Variants in STAG1 observed in about 807,000 individuals in gnomAD.
STAG1 encodes the protein STAG1 cohesin complex component.
In STAG1, 26 loss-of-function variants were observed where a neutral mutation model predicts 170.9. The ratio of observed to expected loss-of-function variants is 0.15; its 90% confidence interval spans 0.11 to 0.21. The LOEUF (loss-of-function observed/expected upper bound fraction) is 0.21. Among genes scored for constraint, STAG1 ranks in the 10% least tolerant of loss-of-function variants. The pLI, the probability that STAG1 is intolerant of heterozygous loss-of-function variation, is 1.00. For missense variants in STAG1, 964 were observed against 1,509.5 expected (o/e 0.64, Z 5.99); for synonymous variants, 514 against 497.7 (o/e 1.03, Z -0.44).
chr3:136,463,313 C>G (rs770042898), intron 13 of STAG1, among the ~76,000 whole-genome samples: 1 of 152,068 alleles, frequency 6.6e-6, no homozygotes, highest in Non-Finnish European at 1.5e-5. Context: ...GAGTAGAGAA[C>G]AATTTGTTAT....
intron 4 of STAG1, among the ~76,000 whole-genome samples, chr3:136,595,060 T>C (rs576735679): frequency 6.6e-6 from 1 of 152,342 alleles, no homozygotes; most frequent in South Asian, 2.1e-4. Flanking sequence ...TGAGCCATCA[T>C]GTCCAGCCCT....
rs188608703 is a variant in STAG1 at position 136,411,041 on chromosome 3, C to T, written c.2196+6844G>A. 1.6e-4 allele frequency among the ~76,000 whole-genome samples: 25 copies of T among 152,210 alleles called. No homozygotes were observed. In the East Asian group the frequency reaches 3.3e-3, roughly 20 times the overall value. ...CTGCACTCCAGCTTGGGCAGACAAG[C>T]GGGGAGCTTAAAATAGTACCTTGTA... On this transcript the variant is annotated intron_variant, in intron 21 of 33. Coordinates refer to ENST00000383202, the MANE Select transcript of STAG1 (RefSeq NM_005862.3).
At chr3:136,726,476 T>C (rs1933695742) in intron 1 of STAG1, among the ~76,000 whole-genome samples, 2 of 152,122 alleles carry the variant, frequency 1.3e-5, no homozygotes, top group Non-Finnish European at 2.9e-5. Flanking sequence ...TGGGCTGGAG[T>C]GCAGCAGCAC....
intron 1 of STAG1, among the ~76,000 whole-genome samples, chr3:136,716,229 G>A (rs1024639518): frequency 2.0e-5 from 3 of 152,038 alleles, no homozygotes; most frequent in African/African-American, 7.2e-5. Flanking sequence ...GGCTGAGATG[G>A]GTGGATCACC....
At chr3:136,344,592 C>T (rs67525027) in intron 29 of STAG1, among the ~76,000 whole-genome samples, 23,923 of 151,940 alleles carry the variant, frequency 0.16, 3,002 homozygotes, top group African/African-American at 0.35. Flanking sequence ...TACCCCTACC[C>T]AACCCCCCAC....
intron 21 of STAG1, among the ~76,000 whole-genome samples, chr3:136,417,274 T>A (rs934050727): frequency 2.0e-5 from 3 of 152,160 alleles, no homozygotes. Context: ...CCCTAAATAT[T>A]ACCTACACTT....
chr3:136,337,508 TGAAC>T lies in STAG1; in HGVS notation c.*742_*745del, dbSNP rs1251944619. ...TTGAATCTCCCTAGTCTATATAAAA[TGAAC>T]GGTGTACAGCATCTGTTGGAAAAAT... On this transcript the variant is annotated 3_prime_UTR_variant, in exon 34 of 34. Coordinates refer to ENST00000383202, the MANE Select transcript of STAG1 (RefSeq NM_005862.3). 2.0e-5 allele frequency: 3 copies of T among 152,668 alleles called. No individual in the cohort carries two copies. The highest frequency in any genetic ancestry group is 2.9e-5 in the Non-Finnish European group (2 of 68,038). The allele number at this position is 152,668 out of a possible 1,614,324, so 9.5% of individuals were successfully genotyped here.
intron 1 of STAG1, among the ~76,000 whole-genome samples, chr3:136,730,330 G>T (rs1307981320): frequency 6.6e-6 from 1 of 152,142 alleles, no homozygotes; most frequent in Non-Finnish European, 1.5e-5. Context: ...AAATAAAGAT[G>T]TCATTATTTT....
chr3:136,557,372 T>C (rs1181145290), intron 5 of STAG1, among the ~76,000 whole-genome samples: 2 of 152,148 alleles, frequency 1.3e-5, no homozygotes, highest in Non-Finnish European at 2.9e-5. Flanking sequence ...CAAGAAAAAC[T>C]GAAGGACTTT....
chr3:136,530,991 G>C (rs978624575), intron 6 of STAG1, among the ~76,000 whole-genome samples: 1 of 152,140 alleles, frequency 6.6e-6, no homozygotes, highest in Non-Finnish European at 1.5e-5. Flanking sequence ...TGTAATCCCA[G>C]ATACTCGGTT....
At chr3:136,393,150 C>T (rs906071210) in intron 22 of STAG1, among the ~76,000 whole-genome samples, 5 of 152,136 alleles carry the variant, frequency 3.3e-5, no homozygotes, top group Non-Finnish European at 7.3e-5. Flanking sequence ...AAACTTTCAG[C>T]TTGCTTCTAA....
intron 13 of STAG1, among the ~76,000 whole-genome samples, chr3:136,456,796 T>C (rs1002455516): frequency 5.3e-5 from 8 of 152,194 alleles, no homozygotes; most frequent in Non-Finnish European, 1.0e-4. Flanking sequence ...GGAGCTCCTA[T>C]ATGGCTTTCA....
intron 6 of STAG1, among the ~76,000 whole-genome samples, chr3:136,526,397 A>T (rs1412949801): frequency 6.6e-6 from 1 of 152,028 alleles, no homozygotes; most frequent in African/African-American, 2.4e-5. Context: ...AGTCTGTTTT[A>T]TCAGAGACTA....
intron 1 of STAG1, among the ~76,000 whole-genome samples, chr3:136,708,944 C>T (rs1301686596): frequency 1.4e-5 from 2 of 144,596 alleles, no homozygotes; most frequent in Non-Finnish European, 3.0e-5. Flanking sequence ...AGTTGGACCA[C>T]AGGCATGTAC....
At chr3:136,405,936 C>G (rs2087471847) in intron 21 of STAG1, among the ~76,000 whole-genome samples, 1 of 151,190 alleles carries the variant, frequency 6.6e-6, no homozygotes, top group South Asian at 2.1e-4. Context: ...ACATTGTTAG[C>G]AGGAATGCAG....
chr3:136,526,605 A>C (rs1042967957), intron 6 of STAG1, among the ~76,000 whole-genome samples: 4 of 152,136 alleles, frequency 2.6e-5, no homozygotes, highest in African/African-American at 7.2e-5. Flanking sequence ...ATTTAAGGTT[A>C]ATATTGTTAT....
At chr3:136,447,595 CATTTTTTTTTTTT>C (rs1411350766) in intron 14 of STAG1, among the ~76,000 whole-genome samples, 6 of 121,416 alleles carry the variant, frequency 4.9e-5, no homozygotes, top group African/African-American at 1.6e-4. Context: ...AAAAGCATCA[CATTTTTTTTTTTT>C]TTTTTTTTTT....
chr3:136,369,326 T>C (rs765742256), intron 23 of STAG1, 44 bp from the exon 24 acceptor site: 2 of 1,460,274 alleles, frequency 1.4e-6, no homozygotes, highest in African/African-American at 1.5e-5. Flanking sequence ...TACACAAATA[T>C]AACTACAAGT....
intron 20 of STAG1, among the ~76,000 whole-genome samples, chr3:136,418,639 A>C (rs2087852556): frequency 6.6e-6 from 1 of 150,870 alleles, no homozygotes; most frequent in Non-Finnish European, 1.5e-5. Flanking sequence ...TTGTATATAT[A>C]ATAGTATTTT....
Sources: gnomAD v4.1 joint callset for allele counts (sites outside exome capture counted in the v4.1 genomes callset) on GRCh38, gnomAD v4.1.1 for gene constraint, MANE v1.5 for transcripts, NCBI Gene and HGNC (gene_info 2026-07-23, HGNC 2026-07-21) for gene names.